MIEF2: variants seen among roughly 807,000 people sequenced by gnomAD.
MIEF2 encodes the protein mitochondrial dynamics protein MID49.
Under a neutral mutation model 7.4 loss-of-function variants are expected in MIEF2, and 1 was observed. The observed-to-expected ratio is 0.14, with a 90% CI of 0.05 to 0.64. MIEF2 has a LOEUF of 0.64. Ranked by LOEUF, MIEF2 falls within the 30% of genes least tolerant of loss-of-function variation. The pLI is 0.85. For missense variants in MIEF2, 569 were observed against 623.9 expected, an observed-to-expected ratio of 0.91 and a Z score of 0.94; for synonymous variants, 275 against 290.5, an observed-to-expected ratio of 0.95 and a Z score of 0.54.
At chr17:18,260,988 A>C in intron 1 of MIEF2, 2 of 964,488 alleles carry the variant, frequency 2.1e-6, no homozygotes, top group Non-Finnish European at 3.2e-6. Flanking sequence ...GCCCGGGCCC[A>C]GGGCAGGCAG....
Position 18,264,888 on chromosome 17 carries a change from T to G in MIEF2, c.*124T>G, listed in dbSNP as rs1978666385. The G allele has an allele frequency of 2.1e-6, 3 of 1,426,532 alleles. No individual in the cohort carries two copies. 88.4% of individuals were successfully genotyped at this position (1,426,532 alleles called of 1,614,324 possible). A position where few individuals can be genotyped will look rare whatever the true frequency, so the allele number is the denominator to read the frequency against. The stretch of plus-strand genomic sequence containing the variant: ...CCAGAACAAAGGAGGGTACATTACT[T>G]AAACCCAGGGCATCAGGATGTGCTT... On this transcript the variant is annotated 3_prime_UTR_variant, in exon 4 of 4. Coordinates refer to ENST00000323019, the MANE Select transcript of MIEF2 (RefSeq NM_139162.4).
intron 1 of MIEF2, chr17:18,261,229 A>G (rs1347252729): frequency 1.3e-6 from 2 of 1,520,070 alleles, no homozygotes; most frequent in Admixed American, 2.0e-5. Context: ...GGCGGGTGGC[A>G]GTATTGATCC....
Position 18,263,989 on chromosome 17 carries a change from TG to T in MIEF2, c.592del (p.Val198CysfsTer81). The T allele has an allele frequency of 6.4e-7, 1 of 1,568,392 alleles. No individual in the cohort carries two copies. ...QAGAADHVRLLVPLVLEPGLW... is the reference protein window; with the variant it reads ...QAGAADHVRLXVPLVLEPGLW... Reference sequence around the variant, plus strand: ...GGGGCTGCGGACCATGTGCGTCTCCTGGTGCCACTGGTGCTGGAGCCGGGCC... The same window carrying T: ...GGGGCTGCGGACCATGTGCGTCTCCTGTGCCACTGGTGCTGGAGCCGGGCC... On this transcript the variant is annotated frameshift_variant, in exon 4 of 4. Coordinates refer to ENST00000323019, the MANE Select transcript of MIEF2 (RefSeq NM_139162.4). LOFTEE classifies it low-confidence loss of function (END_TRUNC).
intron 1 of MIEF2, among the ~76,000 whole-genome samples, 198 bp downstream of exon 1, chr17:18,260,935 G>A (rs1037020311): frequency 6.6e-6 from 1 of 152,200 alleles, no homozygotes; most frequent in East Asian, 1.9e-4. Context: ...TCCTGCGAAC[G>A]GGGCGTCACC....
chr17:18,263,316 TG>T lies in MIEF2; in HGVS notation c.310+69del, dbSNP rs774124019. 8.1e-4 allele frequency: 1,294 copies of T among 1,595,312 alleles called. 1 individual carries two copies. The highest frequency in any genetic ancestry group is 9.5e-4 in the Non-Finnish European group (1,106 of 1,163,598). On this transcript the variant is annotated intron_variant, in intron 3 of 3. Transcript: ENST00000323019. ...GACGCAGCCCAGGCTTTGCCCTGAC[TG>T]ACTGTGTGACCCTGCGCGAGTCCCT...
chr17:18,264,510 G>C lies in MIEF2; in HGVS notation c.1111G>C (p.Gly371Arg). Residue 371 changes from glycine (G) to arginine (R), a missense_variant, in exon 4 of 4, where the codon GGG becomes CGG. Coordinates refer to ENST00000323019, the MANE Select transcript of MIEF2 (RefSeq NM_139162.4). ...TGTCTGCCGTGGTTGCTCGGCTCTG[G>C]GGCAGCTAGGCCGGGGTCACCTGAC... is the stretch of plus-strand genomic sequence containing the variant. ...CAVCRGCSALGQLGRGHLTQV... is the reference protein window; with the variant it reads ...CAVCRGCSALRQLGRGHLTQV... 2 of 1,608,786 alleles carry C rather than the reference G, an allele frequency of 1.2e-6. No individual in the cohort carries two copies. Among genetic ancestry groups the C allele is most frequent in the Non-Finnish European group, 1.7e-6 (2 of 1,179,882 alleles).
At chr17:18,262,110 G>A (rs1294245495) in intron 1 of MIEF2, among the ~76,000 whole-genome samples, 2 of 152,218 alleles carry the variant, frequency 1.3e-5, no homozygotes, top group East Asian at 1.9e-4. Context: ...ATCATAGAGG[G>A]CTGCTGTGCC....
rs1307805320 is a variant in MIEF2 at position 18,263,824 on chromosome 17, C to G, written c.425C>G (p.Pro142Arg). 1 of 1,608,232 alleles carries G rather than the reference C, an allele frequency of 6.2e-7. No homozygotes were observed. Among genetic ancestry groups the G allele is most frequent in the Non-Finnish European group, 8.5e-7 (1 of 1,179,988 alleles). ...TTCGAGCGGGACCGTGTGACCATCCCAGCAGCCCAGGTGGCTTTGGCCAAA... is the reference window on the plus strand; with the variant it reads ...TTCGAGCGGGACCGTGTGACCATCCGAGCAGCCCAGGTGGCTTTGGCCAAA... ...LAFERDRVTIPAAQVALAKQL... is the reference protein window; with the variant it reads ...LAFERDRVTIRAAQVALAKQL... The change falls in exon 4 of 4, where the codon CCA (proline) becomes CGA (arginine). Residue 142 changes from proline to arginine, a missense_variant. Transcript: ENST00000323019.
At position 18,263,180 on chromosome 17, in the gene MIEF2, A is replaced by G. The variant is rs1978514269; in HGVS notation, c.242A>G (p.Gln81Arg). 3 of 1,613,626 alleles carry G rather than the reference A, an allele frequency of 1.9e-6. No individual in the cohort carries two copies. The African/African-American group carries it at 4.0e-5, about 21-fold the overall frequency. ...CTGCTCAAGGCCACACCACACCTGC[A>G]GCCCCGGCCTCCACCTGCTGCCCTT... ...LSLLKATPHLQPRPPPAALSQ... is the reference protein window; with the variant it reads ...LSLLKATPHLRPRPPPAALSQ... Residue 81 changes from glutamine to arginine, a missense_variant, in exon 3 of 4, where the codon CAG becomes CGG. By Grantham distance (43) the Gln-to-Arg change is conservative. Transcript: ENST00000323019.
intron 3 of MIEF2, 87 bp downstream of exon 3, chr17:18,263,335 G>A (rs773644827): frequency 9.1e-6 from 14 of 1,542,166 alleles, no homozygotes; most frequent in African/African-American, 2.7e-5. Flanking sequence ...GACCCTGCGC[G>A]AGTCCCTGCT....
chr17:18,263,981 G>A lies in MIEF2; in HGVS notation c.582G>A (p.Val194=). ...DGLQAGAADH[V]RLLVPLVLEP... ...TGCAGGCGGGGGCTGCGGACCATGT[G>A]CGTCTCCTGGTGCCACTGGTGCTGG... The change falls in exon 4 of 4, where the codon GTG becomes GTA. Residue 194 remains valine, a synonymous_variant. Transcript: ENST00000323019. 6.4e-7 allele frequency: 1 copy of A among 1,573,686 alleles called. No homozygotes were observed. The highest frequency in any genetic ancestry group is 2.3e-5 in the East Asian group (1 of 44,268).
At chr17:18,261,034 G>A in intron 1 of MIEF2, 1 of 1,459,178 alleles carries the variant, frequency 6.9e-7, no homozygotes, top group Non-Finnish European at 9.4e-7. Flanking sequence ...CGGCCTCCAG[G>A]GCCCCGCTGC....
chr17:18,265,093 A>C lies in MIEF2; in HGVS notation c.*329A>C. 1.3e-5 allele frequency: 3 copies of C among 230,868 alleles called. No individual in the cohort carries two copies. The highest frequency in any genetic ancestry group is 9.0e-5 in the East Asian group (1 of 11,088). 14.3% of individuals were successfully genotyped at this position (230,868 alleles called of 1,614,324 possible). ...CACCAGCAACCAATCCACCAACAGA[A>C]TGTGGTTTCTGCCATCCTGGGCAGA... is the stretch of plus-strand genomic sequence containing the variant. On this transcript the variant is annotated 3_prime_UTR_variant, in exon 4 of 4. Transcript: ENST00000323019.
chr17:18,261,781 C>A (rs1312450160), intron 1 of MIEF2, among the ~76,000 whole-genome samples: 1 of 152,246 alleles, frequency 6.6e-6, no homozygotes, highest in Non-Finnish European at 1.5e-5. Flanking sequence ...TGTTGCTTGG[C>A]CTTCCGGCAG....
In MIEF2 at chr17:18,264,617, G is replaced by A; in HGVS notation, c.1218G>A (p.Glu406=). 1.2e-6 allele frequency: 2 copies of A among 1,611,360 alleles called. No individual in the cohort carries two copies. Among genetic ancestry groups the A allele is most frequent in the Non-Finnish European group, 1.7e-6 (2 of 1,180,010 alleles). Residue 406 remains glutamate, a synonymous_variant, in exon 4 of 4, where the codon GAG becomes GAA. Transcript: ENST00000323019. ...GTGAGCGCTTCCTGCAAGCCCTGGA[G>A]CTGCTCATCGGCAGCCTGGAGCAGG... The part of the protein sequence containing the change: ...ALGERFLQAL[E]LLIGSLEQAS...
Position 18,265,918 on chromosome 17 carries a change from A to G in MIEF2, c.*1154A>G, listed in dbSNP as rs1359130909. On this transcript the variant is annotated 3_prime_UTR_variant, in exon 4 of 4. Transcript: ENST00000323019. ...GGTGGTAGAGTTTACTTTAAAAAGT[A>G]GCATCTTGGCCGGGTGTGGTGGCTC... 6.6e-6 allele frequency: 1 copy of G among 152,262 alleles called. No homozygotes were observed. Among genetic ancestry groups the G allele is most frequent in the African/African-American group, 2.4e-5 (1 of 41,468 alleles). The allele number at this position is 152,262 out of a possible 1,614,324, so 9.4% of individuals were successfully genotyped here. A position where few individuals can be genotyped will look rare whatever the true frequency, so the allele number is the denominator to read the frequency against.
Position 18,262,768 on chromosome 17 carries a change from G to T in MIEF2, c.48G>T (p.Gly16=). ...GGGGGAAGCGGCGTAGCGACGAAGGGCTGGGCAGCATGGTGGACTTCCTCC... is the reference window on the plus strand; with the variant it reads ...GGGGGAAGCGGCGTAGCGACGAAGGTCTGGGCAGCATGGTGGACTTCCTCC... ...QKRGKRRSDE[G]LGSMVDFLLA... is the part of the protein sequence containing the mutation. Residue 16 remains glycine (G), a synonymous_variant, in exon 2 of 4, where the codon GGG becomes GGT. Transcript: ENST00000323019. 1 of 1,607,112 alleles carries T rather than the reference G, an allele frequency of 6.2e-7. No homozygotes were observed. The highest frequency in any genetic ancestry group is 8.5e-7 in the Non-Finnish European group (1 of 1,176,344).
In MIEF2 at chr17:18,264,362, C is replaced by T; in HGVS notation, c.963C>T (p.Pro321=). 2 of 1,604,754 alleles carry T rather than the reference C, an allele frequency of 1.2e-6. No individual in the cohort carries two copies. Among genetic ancestry groups the T allele is most frequent in the Non-Finnish European group, 1.7e-6 (2 of 1,179,820 alleles). Residue 321 remains proline (P), a synonymous_variant, in exon 4 of 4, where the codon CCC becomes CCT. Coordinates refer to ENST00000323019, the MANE Select transcript of MIEF2 (RefSeq NM_139162.4). ...ACGACCGCCTCCTCTTGGCCTGGCC[C>T]CTGGAGGGGCTGGCGGGGAACCTCT... is the stretch of plus-strand genomic sequence containing the variant. ...DADDRLLLAW[P]LEGLAGNLWL... is the part of the protein sequence containing the mutation.
In MIEF2 at chr17:18,260,986, C is replaced by T. The variant is rs1328537540; in HGVS notation, c.-8+249C>T. ...GCTGCGCGGCCTGCTCCGCCCGGGC[C>T]CAGGGCAGGCAGGTTTGGCGGAGGA... On this transcript the variant is annotated intron_variant, in intron 1 of 3. Coordinates refer to ENST00000323019, the MANE Select transcript of MIEF2 (RefSeq NM_139162.4). The T allele has an allele frequency of 1.1e-5, 10 of 947,904 alleles. No homozygotes were observed. The Admixed American group carries it at 1.9e-4, about 18-fold the overall frequency. The allele number at this position is 947,904 out of a possible 1,614,324, so 58.7% of individuals were successfully genotyped here. A position where few individuals can be genotyped will look rare whatever the true frequency, so the allele number is the denominator to read the frequency against.
Sources: allele counts gnomAD v4.1 joint callset (sites outside exome capture counted in the v4.1 genomes callset), GRCh38; gene constraint gnomAD v4.1.1; transcripts MANE v1.5; gene names NCBI Gene and HGNC (gene_info 2026-07-23, HGNC 2026-07-21).